Variants in RTF1 observed in about 807,000 individuals in gnomAD.
RTF1 encodes RNA polymerase-associated protein RTF1 homolog.
A neutral mutation model predicts 95.7 loss-of-function variants in RTF1; 10 were observed. That is an observed-to-expected ratio of 0.10 (90% confidence interval 0.06 to 0.18). The LOEUF (loss-of-function observed/expected upper bound fraction) is 0.18. Among genes scored for constraint, RTF1 ranks in the 10% least tolerant of loss-of-function variants. The probability of loss-of-function intolerance (pLI) is 1.00; values close to 1 mark genes in which losing one functional copy is unlikely to be tolerated. For missense variants in RTF1, 458 were observed against 875.6 expected, an observed-to-expected ratio of 0.52 and a Z score of 6.02; for synonymous variants, 305 against 311.8, an observed-to-expected ratio of 0.98 and a Z score of 0.23.
intron 7 of RTF1, among the ~76,000 whole-genome samples, chr15:41,470,686 T>G (rs2050906450): frequency 7.9e-6 from 1 of 126,804 alleles, no homozygotes; most frequent in Non-Finnish European, 1.6e-5. Flanking sequence ...TGAGACGGAG[T>G]CTCGCTCTGT....
chr15:41,451,604 A>T (rs115105403), intron 2 of RTF1, among the ~76,000 whole-genome samples: 24 of 152,328 alleles, frequency 1.6e-4, no homozygotes, highest in African/African-American at 5.5e-4. Flanking sequence ...TTTAAAAAGT[A>T]TATGCACATA....
At chr15:41,457,418 T>G (rs1466692310) in intron 3 of RTF1, among the ~76,000 whole-genome samples, 2 of 150,488 alleles carry the variant, frequency 1.3e-5, no homozygotes, top group Non-Finnish European at 3.0e-5. Flanking sequence ...CTGTAATCCC[T>G]GCTACTTGGG....
intron 1 of RTF1, among the ~76,000 whole-genome samples, chr15:41,423,364 A>AG (rs1302532826): frequency 6.6e-6 from 1 of 151,408 alleles, no homozygotes; most frequent in Non-Finnish European, 1.5e-5. Context: ...GTCCCATGGG[A>AG]GCTCCCTCCC....
chr15:41,449,433 G>C (rs1201596804), intron 2 of RTF1, among the ~76,000 whole-genome samples: 2 of 151,894 alleles, frequency 1.3e-5, no homozygotes, highest in Admixed American at 1.3e-4. Context: ...GGGTTTCACC[G>C]TGTTAGCCAG....
chr15:41,471,561 T>C (rs941163798), intron 8 of RTF1, among the ~76,000 whole-genome samples: 15 of 152,178 alleles, frequency 9.9e-5, no homozygotes, highest in African/African-American at 3.6e-4. Flanking sequence ...GCCTGGAAGA[T>C]TTGGATGTAG....
At chr15:41,418,130 T>C (rs939525546) in intron 1 of RTF1, among the ~76,000 whole-genome samples, 1 of 152,194 alleles carries the variant, frequency 6.6e-6, no homozygotes. Context: ...TTGAACTGTT[T>C]ATATACTCTA....
chr15:41,433,421 A>G (rs2050685762), intron 1 of RTF1, among the ~76,000 whole-genome samples: 1 of 151,284 alleles, frequency 6.6e-6, no homozygotes, highest in Non-Finnish European at 1.5e-5. Context: ...CGCAACCCCC[A>G]CCTCCCAGAC....
Position 41,457,733 on chromosome 15 carries a change from A to G in RTF1, c.519A>G (p.Ser173=). The change falls in exon 4 of 18, where the codon TCA becomes TCG. Residue 173 remains serine (S), a synonymous_variant. Transcript: ENST00000389629. The part of the protein sequence containing the change: ...SSSSSDSDSS[S]EDEEFHDGYG... ...CCAGTTCAGATTCAGACTCTTCCTC[A>G]GAAGATGAAGAGTTCCATGATGGCT... The G allele has an allele frequency of 6.2e-7, 1 of 1,614,010 alleles. No homozygotes were observed. Among genetic ancestry groups the G allele is most frequent in the Non-Finnish European group, 8.5e-7 (1 of 1,179,958 alleles).
intron 3 of RTF1, among the ~76,000 whole-genome samples, chr15:41,454,694 G>A (rs895275189): frequency 6.6e-6 from 1 of 152,202 alleles, no homozygotes; most frequent in Non-Finnish European, 1.5e-5. Context: ...GCTTCCTGAT[G>A]TGATACATTG....
intron 1 of RTF1, among the ~76,000 whole-genome samples, chr15:41,425,589 A>T (rs1049346225): frequency 3.3e-5 from 5 of 152,148 alleles, no homozygotes; most frequent in Non-Finnish European, 7.3e-5. Flanking sequence ...GATGGAGAAC[A>T]TAAGTTCCAT....
rs1482451382 is a variant in RTF1, at chr15:41,475,477, A to G, written c.1287-48A>G. On this transcript the variant is annotated intron_variant, in intron 9 of 17. Coordinates refer to ENST00000389629, the MANE Select transcript of RTF1 (RefSeq NM_015138.5). ...CTGGTAAGGTTGCTTTGCTTGTACTACAGTCAACATGCACATTTCTTGGAG... is the reference window on the plus strand; with the variant it reads ...CTGGTAAGGTTGCTTTGCTTGTACTGCAGTCAACATGCACATTTCTTGGAG... 8.7e-6 allele frequency: 13 copies of G among 1,488,718 alleles called. No individual in the cohort carries two copies. In the African/African-American group the frequency reaches 1.4e-4, roughly 16 times the overall value. 92.2% of individuals were successfully genotyped at this position (1,488,718 alleles called of 1,614,324 possible). A position where few individuals can be genotyped will look rare whatever the true frequency, so the allele number is the denominator to read the frequency against.
chr15:41,430,527 C>G (rs151258945), intron 1 of RTF1, among the ~76,000 whole-genome samples: 14 of 152,044 alleles, frequency 9.2e-5, no homozygotes, highest in Non-Finnish European at 1.6e-4. Context: ...ATTGCCTGAG[C>G]TCAGAGGTTC....
At chr15:41,468,523 T>A (rs1008100413) in intron 6 of RTF1, among the ~76,000 whole-genome samples, 1 of 152,082 alleles carries the variant, frequency 6.6e-6, no homozygotes, top group Non-Finnish European at 1.5e-5. Context: ...TTCACCATGT[T>A]AGCCAGGATG....
chr15:41,480,434 T>C (rs1187621117), intron 17 of RTF1, 109 bp downstream of exon 17: 52 of 986,964 alleles, frequency 5.3e-5, no homozygotes, highest in Non-Finnish European at 7.9e-5. Flanking sequence ...TGCTGGCTCA[T>C]CAGCATCCAC....
At chr15:41,426,463 G>A (rs1048291557) in intron 1 of RTF1, among the ~76,000 whole-genome samples, 5 of 151,984 alleles carry the variant, frequency 3.3e-5, no homozygotes, top group Admixed American at 1.3e-4. Context: ...GCGCCACCAT[G>A]CCTGACTAAT....
intron 1 of RTF1, among the ~76,000 whole-genome samples, chr15:41,432,314 C>T (rs564424565): frequency 1.3e-4 from 20 of 151,542 alleles, no homozygotes; most frequent in Middle Eastern, 3.4e-3. Context: ...TCTCCCACCT[C>T]AGCCTCCGGA....
Position 41,481,244 on chromosome 15 carries a change from TGG to T in RTF1, c.*568_*569del, listed in dbSNP as rs10593971. ...TTAGTTTCCAAAAAGTGTACATTTG[TGG>T]GGGGGGGGGGTCTAATTTGAGAGCG... On this transcript the variant is annotated 3_prime_UTR_variant, in exon 18 of 18. Coordinates refer to ENST00000389629, the MANE Select transcript of RTF1 (RefSeq NM_015138.5). The T allele has an allele frequency of 0.12, 10,358 of 87,102 alleles. 530 individuals are homozygous for T. Among genetic ancestry groups the T allele is most frequent in the East Asian group, 0.25 (621 of 2,444 alleles). The allele number at this position is 87,102 out of a possible 1,614,324, so 5.4% of individuals were successfully genotyped here.
Position 41,464,877 on chromosome 15 carries a change from G to T in RTF1, c.769G>T (p.Glu257Ter). 1 of 1,528,268 alleles carries T rather than the reference G, an allele frequency of 6.5e-7. No homozygotes were observed. Among genetic ancestry groups the T allele is most frequent in the South Asian group, 1.3e-5 (1 of 78,468 alleles). 94.7% of individuals were successfully genotyped at this position (1,528,268 alleles called of 1,614,324 possible). ...QEKKKLTQIQESQVTSHNKER... is the reference protein window; with the variant it reads ...QEKKKLTQIQ ...AAAGAAAAAACTGACACAGATTCAAGAATCTCAGGTAGGAGATTCAGTGTT... is the reference window on the plus strand; with the variant it reads ...AAAGAAAAAACTGACACAGATTCAATAATCTCAGGTAGGAGATTCAGTGTT... The change falls in exon 5 of 18, where the codon GAA becomes TAA. Residue 257 changes from glutamate to a stop codon, truncating the protein, a stop_gained. Transcript: ENST00000389629. LOFTEE classifies it high-confidence loss of function.
intron 4 of RTF1, among the ~76,000 whole-genome samples, chr15:41,460,609 A>G (rs1453628905): frequency 1.3e-5 from 2 of 152,298 alleles, no homozygotes; most frequent in Middle Eastern, 6.8e-3. Context: ...GCTCAAGGGT[A>G]ATAGGTGGCT....
Sources: allele counts gnomAD v4.1 joint callset (sites outside exome capture counted in the v4.1 genomes callset), GRCh38; gene constraint gnomAD v4.1.1; transcripts MANE v1.5; gene names NCBI Gene and HGNC (gene_info 2026-07-23, HGNC 2026-07-21).